Variants in DNA2 observed in about 807,000 individuals in gnomAD.
DNA2 encodes DNA replication helicase/nuclease 2.
In DNA2, 101 loss-of-function variants were observed where a neutral mutation model predicts 119.1. The ratio of observed to expected loss-of-function variants is 0.85; its 90% CI spans 0.72 to 1.00. The LOEUF (loss-of-function observed/expected upper bound fraction) is 1.00, where lower values mean the gene tolerates loss of function less well. DNA2 is among the 50% of genes least tolerant of loss of function. The pLI, the probability that DNA2 is intolerant of heterozygous loss-of-function variation, is 0.00. For synonymous variants in DNA2, 366 were observed against 424.4 expected (o/e 0.86, Z 1.69); for missense variants, 1,121 against 1,255.5 (o/e 0.89, Z 1.62).
rs568458530 is a variant in DNA2 at position 68,437,595 on chromosome 10, A to G, written c.1416-354T>C. Reference sequence around the variant, plus strand: ...AACCCGGGAGGTGAAAGTTGCAGTGAGCCAAGATCTCACCATTGCTCAACA... The same window carrying G: ...AACCCGGGAGGTGAAAGTTGCAGTGGGCCAAGATCTCACCATTGCTCAACA... On this transcript the variant is annotated intron_variant, in intron 9 of 20. Coordinates refer to ENST00000358410, the MANE Select transcript of DNA2 (RefSeq NM_001080449.3). 1.6e-4 allele frequency among the ~76,000 whole-genome samples: 25 copies of G among 152,236 alleles called. No individual in the cohort carries two copies. The South Asian group carries it at 5.2e-3, about 32-fold the overall frequency.
chr10:68,432,051 T>A, intron 12 of DNA2, 80 bp from the exon 13 acceptor site: 1 of 1,248,918 alleles, frequency 8.0e-7, no homozygotes, highest in Non-Finnish European at 1.2e-6. Context: ...AGAAAAGCAG[T>A]CTCTATCCAA....
intron 9 of DNA2, among the ~76,000 whole-genome samples, 165 bp from the exon 10 acceptor site, chr10:68,437,406 C>T (rs1054355400): frequency 2.0e-5 from 3 of 151,710 alleles, no homozygotes; most frequent in African/African-American, 4.8e-5. Context: ...GAGGCCGAGG[C>T]GGGTGGATTA....
intron 9 of DNA2, among the ~76,000 whole-genome samples, chr10:68,438,536 A>AAAT (rs2051923234): frequency 6.6e-6 from 1 of 151,818 alleles, no homozygotes; most frequent in African/African-American, 2.4e-5. Context: ...AAGAAAAAAA[A>AAAT]ACCATTTAAA....
chr10:68,433,515 T>C (rs993714989), intron 10 of DNA2, among the ~76,000 whole-genome samples: 31 of 152,274 alleles, frequency 2.0e-4, no homozygotes, highest in Admixed American at 5.9e-4. Context: ...ATTTATTCAA[T>C]AGAATAAATA....
intron 9 of DNA2, among the ~76,000 whole-genome samples, chr10:68,437,684 C>CAAAAA (rs1360346767): frequency 7.0e-6 from 1 of 143,268 alleles, no homozygotes; most frequent in African/African-American, 2.8e-5. Context: ...CAAAACAAAA[C>CAAAAA]AGACTAATAT....
At chr10:68,429,246 TAAA>T (rs530484976) in intron 14 of DNA2, among the ~76,000 whole-genome samples, 2 of 117,752 alleles carry the variant, frequency 1.7e-5, no homozygotes, top group Non-Finnish European at 3.7e-5. Context: ...AAGGTTCAAT[TAAA>T]AAAAAAAAAA....
intron 19 of DNA2, among the ~76,000 whole-genome samples, chr10:68,417,801 T>C (rs1317797184): frequency 2.0e-5 from 3 of 152,090 alleles, no homozygotes; most frequent in Non-Finnish European, 4.4e-5. Context: ...TAAAATGTGG[T>C]ATATAGAGAC....
intron 13 of DNA2, among the ~76,000 whole-genome samples, chr10:68,431,592 T>A (rs1481228804): frequency 6.6e-6 from 1 of 152,154 alleles, no homozygotes; most frequent in African/African-American, 2.4e-5. Context: ...GCCTCTAACA[T>A]CATCTTTAAA....
rs2052349201 is a variant in DNA2 at position 68,468,233 on chromosome 10, C to G, written c.331G>C (p.Asp111His). 1 of 1,612,210 alleles carries G rather than the reference C, an allele frequency of 6.2e-7. No individual in the cohort carries two copies. The highest frequency in any genetic ancestry group is 8.5e-7 in the Non-Finnish European group (1 of 1,179,294). The change falls in exon 3 of 21, where the codon GAT (aspartate) becomes CAT (histidine). Residue 111 changes from aspartate to histidine, a missense_variant. Physicochemically the swap from Asp to His is moderately conservative, Grantham distance 81. Coordinates refer to ENST00000358410, the MANE Select transcript of DNA2 (RefSeq NM_001080449.3). Reference sequence around the variant, plus strand: ...AGAATCAAATATCCAAAATCTTTATCTATTATCCAAGTGTCAGATGTGCAG... The same window carrying G: ...AGAATCAAATATCCAAAATCTTTATGTATTATCCAAGTGTCAGATGTGCAG... ...GDCTSDTWII[D>H]KDFGYLILYP...
chr10:68,466,601 CAG>C (rs962409616), intron 3 of DNA2, among the ~76,000 whole-genome samples: 11 of 141,794 alleles, frequency 7.8e-5, no homozygotes, highest in African/African-American at 2.9e-4. Context: ...TTTTTTGAGA[CAG>C]AGTTTCGCTC....
chr10:68,470,135 G>A lies in DNA2; in HGVS notation c.103C>T (p.Pro35Ser). 1 of 1,598,750 alleles carries A rather than the reference G, an allele frequency of 6.3e-7. No individual in the cohort carries two copies. Among genetic ancestry groups the A allele is most frequent in the Non-Finnish European group, 8.5e-7 (1 of 1,176,558 alleles). The stretch of plus-strand genomic sequence containing the variant: ...ATTCCTGTGCTCAGAACTGTTCTTG[G>A]AAAGGAAGCTACCACTTTCTTCTGA... Reference protein sequence around the residue: ...LFQKKVVASFPRTVLSTGMDN... With the variant: ...LFQKKVVASFSRTVLSTGMDN... The change falls in exon 2 of 21, where the codon CCA (proline) becomes TCA (serine). Residue 35 changes from proline (P) to serine (S), a missense_variant. Coordinates refer to ENST00000358410, the MANE Select transcript of DNA2 (RefSeq NM_001080449.3).
intron 7 of DNA2, 53 bp downstream of exon 7, chr10:68,446,243 G>T (rs950930384): frequency 6.5e-6 from 6 of 924,728 alleles, no homozygotes; most frequent in Non-Finnish European, 8.4e-6. Flanking sequence ...ATCACTAGAA[G>T]CTGAAGTGGG....
At chr10:68,440,186 C>G (rs1360213051) in intron 9 of DNA2, among the ~76,000 whole-genome samples, 1 of 151,432 alleles carries the variant, frequency 6.6e-6, no homozygotes, top group Non-Finnish European at 1.5e-5. Context: ...TGCCTGTAAA[C>G]CCAGCTTCTT....
chr10:68,432,556 A>AT, intron 10 of DNA2, 46 bp from the exon 11 acceptor site: 1 of 1,051,550 alleles, frequency 9.5e-7, no homozygotes, highest in Non-Finnish European at 1.4e-6. Flanking sequence ...CATTTCGCAT[A>AT]GTCTGTATAA....
chr10:68,431,408 G>C (rs548852709), intron 13 of DNA2, among the ~76,000 whole-genome samples: 17 of 151,792 alleles, frequency 1.1e-4, no homozygotes, highest in Middle Eastern at 6.3e-3. Flanking sequence ...TCAGCCTCCC[G>C]AGTAAAGCTA....
chr10:68,452,747 T>A (rs1315645392), intron 5 of DNA2, among the ~76,000 whole-genome samples: 2 of 138,700 alleles, frequency 1.4e-5, no homozygotes, highest in African/African-American at 6.1e-5. Context: ...ATTTTTTTTT[T>A]TTTTTTTTTT....
chr10:68,451,759 CTT>C (rs988943850), intron 5 of DNA2, among the ~76,000 whole-genome samples: 1 of 142,570 alleles, frequency 7.0e-6, no homozygotes, highest in Non-Finnish European at 1.5e-5. Context: ...CTATTTCTTC[CTT>C]TTTTTTTTTA....
intron 14 of DNA2, among the ~76,000 whole-genome samples, chr10:68,423,466 C>A (rs940592498): frequency 6.6e-6 from 1 of 152,138 alleles, no homozygotes; most frequent in Non-Finnish European, 1.5e-5. Flanking sequence ...CAGCTGCAAC[C>A]AAAGTCTGCT....
intron 8 of DNA2, 82 bp downstream of exon 8, chr10:68,444,839 G>T: frequency 1.2e-5 from 11 of 889,474 alleles, no homozygotes; most frequent in Non-Finnish European, 1.4e-5. Flanking sequence ...TGTTATCAAT[G>T]CCCGTCTGGC....
Sources: gnomAD v4.1 joint callset for allele counts (sites outside exome capture counted in the v4.1 genomes callset) on GRCh38, gnomAD v4.1.1 for gene constraint, MANE v1.5 for transcripts, NCBI Gene and HGNC (gene_info 2026-07-23, HGNC 2026-07-21) for gene names.